FBLN1: variants seen among roughly 807,000 people sequenced by gnomAD.
FBLN1 encodes the protein fibulin-1.
FBLN1 carries 34 observed loss-of-function variants against 89.7 expected under a neutral mutation model. The observed-to-expected ratio is 0.38, with a 90% CI of 0.29 to 0.50. The LOEUF (loss-of-function observed/expected upper bound fraction) is 0.50, where lower values mean the gene tolerates loss of function less well. Ranked by LOEUF, FBLN1 falls within the 20% of genes least tolerant of loss-of-function variation. The pLI is 0.92. For synonymous variants in FBLN1, 393 were observed against 391.3 expected (o/e 1.00, Z -0.05); for missense variants, 777 against 988.1 (o/e 0.79, Z 2.86).
chr22:45,517,819 C>G (rs189727747), intron 1 of FBLN1: 8 of 360,088 alleles, frequency 2.2e-5, no homozygotes. Flanking sequence ...ATGTGGGTCA[C>G]AGAAGCTGGT....
At chr22:45,503,187 G>C in intron 1 of FBLN1, 123 bp downstream of exon 1, 1 of 530,118 alleles carries the variant, frequency 1.9e-6, no homozygotes, top group Non-Finnish European at 2.5e-6. Flanking sequence ...GGCGCCCCCG[G>C]ACTGTCAGCG....
intron 1 of FBLN1, among the ~76,000 whole-genome samples, chr22:45,511,704 C>T (rs1417543923): frequency 6.6e-6 from 1 of 152,070 alleles, no homozygotes; most frequent in Non-Finnish European, 1.5e-5. Context: ...CCACTTCAGC[C>T]TCCCAAAGTG....
Position 45,532,956 on chromosome 22 carries a change from G to A in FBLN1, c.545-107G>A, listed in dbSNP as rs1001027523. On this transcript the variant is annotated intron_variant, in intron 5 of 16. Transcript: ENST00000327858. The surrounding 1 kb of genome is among the most constrained non-coding windows in gnomAD (Gnocchi z 4.2). ...CCAGCCAGGTCAGCCTGCCTTCCTG[G>A]GTTCGTCTGCCCAGAGGGCGTTTTC... The A allele has an allele frequency of 2.1e-5, 21 of 1,001,102 alleles. No individual in the cohort carries two copies. The African/African-American group carries it at 3.2e-4, about 15-fold the overall frequency. The allele number at this position is 1,001,102 out of a possible 1,614,324, so 62.0% of individuals were successfully genotyped here.
intron 1 of FBLN1, among the ~76,000 whole-genome samples, chr22:45,511,605 C>A (rs1404288263): frequency 2.6e-5 from 4 of 152,012 alleles, no homozygotes; most frequent in Non-Finnish European, 4.4e-5. Context: ...CGCCACCATG[C>A]CCAGCTAATT....
At chr22:45,506,288 G>C (rs2088019775) in intron 1 of FBLN1, among the ~76,000 whole-genome samples, 1 of 152,224 alleles carries the variant, frequency 6.6e-6, no homozygotes, top group Non-Finnish European at 1.5e-5. Flanking sequence ...GAATTTCCCA[G>C]CCAGGCGCTG....
chr22:45,539,478 C>T (rs535153469), intron 8 of FBLN1, among the ~76,000 whole-genome samples: 77 of 152,190 alleles, frequency 5.1e-4, no homozygotes, highest in African/African-American at 1.5e-3. Context: ...GGATTGCAGG[C>T]GTGAGCCACC....
rs1051899160 is a variant in FBLN1, at chr22:45,515,934, G to A, written c.80-2748G>A. Among the ~76,000 whole-genome samples, 8 of 152,334 alleles carry A rather than the reference G, an allele frequency of 5.3e-5. No homozygotes were observed. In the East Asian group the frequency reaches 1.4e-3, roughly 26 times the overall value. ...GCTTACACTGTTTCTACTCAACTCT[G>A]TAGCTGCCACATGCTGGCATGGATG... is the stretch of plus-strand genomic sequence containing the variant. On this transcript the variant is annotated intron_variant, in intron 1 of 16. Coordinates refer to ENST00000327858, the MANE Select transcript of FBLN1 (RefSeq NM_006486.3).
At chr22:45,534,136 G>A (rs1416700126) in intron 7 of FBLN1, among the ~76,000 whole-genome samples, 1 of 152,068 alleles carries the variant, frequency 6.6e-6, no homozygotes, top group Non-Finnish European at 1.5e-5. Context: ...GTTGACAGTA[G>A]TGCACCGGTG....
intron 16 of FBLN1, among the ~76,000 whole-genome samples, chr22:45,598,771 C>T (rs1187590822): frequency 6.6e-6 from 1 of 152,258 alleles, no homozygotes; most frequent in Non-Finnish European, 1.5e-5. Flanking sequence ...GAGTGCTCTG[C>T]TCTGGTGGGA....
intron 14 of FBLN1, among the ~76,000 whole-genome samples, chr22:45,555,689 GACACTCAGTATTAACC>G (rs2079461214): frequency 4.6e-5 from 7 of 152,014 alleles, no homozygotes; most frequent in African/African-American, 1.7e-4. Context: ...CAATCAAGTT[GACACTCAGTATTAACC>G]ATCACAAGTC....
At chr22:45,599,745 C>G (rs2146674504) in intron 16 of FBLN1, among the ~76,000 whole-genome samples, 1 of 152,172 alleles carries the variant, frequency 6.6e-6, no homozygotes, top group South Asian at 2.1e-4. Flanking sequence ...TGGAGAAACC[C>G]CGTCTCTACT....
intron 1 of FBLN1, among the ~76,000 whole-genome samples, chr22:45,504,541 G>C (rs978997151): frequency 4.6e-5 from 7 of 152,050 alleles, no homozygotes; most frequent in Non-Finnish European, 1.0e-4. Context: ...TGATGGGTGG[G>C]TGGGACATCC....
intron 1 of FBLN1, among the ~76,000 whole-genome samples, chr22:45,513,876 C>A (rs1366545532): frequency 6.6e-6 from 1 of 152,106 alleles, no homozygotes; most frequent in Non-Finnish European, 1.5e-5. Context: ...TCACTGCAAC[C>A]TCTGCCTCCC....
At position 45,577,885 on chromosome 22, in the gene FBLN1, G is replaced by A. The variant is rs1211699772; in HGVS notation, c.1972+777G>A. On this transcript the variant is annotated intron_variant, in intron 16 of 16. Coordinates refer to ENST00000327858, the MANE Select transcript of FBLN1 (RefSeq NM_006486.3). The surrounding 1 kb of genome is among the most constrained non-coding windows in gnomAD (Gnocchi z 6.6). Reference sequence around the variant, plus strand: ...TATCCAGGCCCACTCCATTCCGCACGCTTGTTTCTGTCATTCACAGCCCCT... The same window carrying A: ...TATCCAGGCCCACTCCATTCCGCACACTTGTTTCTGTCATTCACAGCCCCT... 3 of 153,630 alleles carry A rather than the reference G, an allele frequency of 2.0e-5. No homozygotes were observed. The highest frequency in any genetic ancestry group is 2.9e-5 in the Non-Finnish European group (2 of 69,086). 9.5% of individuals were successfully genotyped at this position (153,630 alleles called of 1,614,324 possible).
rs561312723 is a variant in FBLN1, at chr22:45,585,881, C to T, written c.1972+8773C>T. 3.2e-4 allele frequency among the ~76,000 whole-genome samples: 49 copies of T among 152,246 alleles called. No homozygotes were observed. The East Asian group carries it at 8.9e-3, about 28-fold the overall frequency. On this transcript the variant is annotated intron_variant, in intron 16 of 16. Coordinates refer to ENST00000327858, the MANE Select transcript of FBLN1 (RefSeq NM_006486.3). ...CCCTGTGTGACGGCGCGTAGCCCCC[C>T]GAAACAGCTGCTGTTATCCCTCCTT...
intron 11 of FBLN1, 142 bp from the exon 12 acceptor site, chr22:45,546,943 A>C: frequency 1.5e-6 from 2 of 1,345,486 alleles, no homozygotes; most frequent in Non-Finnish European, 2.1e-6. Context: ...TCCCTCGGCC[A>C]CACCCCCCGG....
At chr22:45,533,198 G>A in intron 6 of FBLN1, 34 bp downstream of exon 6, 1 of 1,577,408 alleles carries the variant, frequency 6.3e-7, no homozygotes, top group Non-Finnish European at 8.7e-7. Context: ...AGCAGGACTG[G>A]CCGGTCACTG....
rs2088800895 is a variant in FBLN1, at chr22:45,557,310, TA to T, written c.1697+6697del. ...AGGATAGGCAAACCCATATCCAGAG[TA>T]AGTGTCTATTCCGGTGAGGACAAAC... On this transcript the variant is annotated intron_variant, in intron 14 of 16. Transcript: ENST00000327858. The surrounding 1 kb of genome is among the most constrained non-coding windows in gnomAD (Gnocchi z 4.9). Among the ~76,000 whole-genome samples the T allele has an allele frequency of 6.6e-6, 1 of 152,086 alleles. No homozygotes were observed. The highest frequency in any genetic ancestry group is 1.5e-5 in the Non-Finnish European group (1 of 68,016).
chr22:45,579,421 G>C lies in FBLN1; in HGVS notation c.1972+2313G>C, dbSNP rs1387700490. ...GGTGCCGTCCCGGCAGCGGGCTTCTGGGAACGGAATGTGGATGAGGCCACA... is the reference window on the plus strand; with the variant it reads ...GGTGCCGTCCCGGCAGCGGGCTTCTCGGAACGGAATGTGGATGAGGCCACA... On this transcript the variant is annotated intron_variant, in intron 16 of 16. Coordinates refer to ENST00000327858, the MANE Select transcript of FBLN1 (RefSeq NM_006486.3). The surrounding 1 kb of genome is among the most constrained non-coding windows in gnomAD (Gnocchi z 5.5). Among the ~76,000 whole-genome samples the C allele has an allele frequency of 6.6e-6, 1 of 152,264 alleles. No individual in the cohort carries two copies. Among genetic ancestry groups the C allele is most frequent in the African/African-American group, 2.4e-5 (1 of 41,472 alleles).
Sources: gnomAD v4.1 joint callset for allele counts (sites outside exome capture counted in the v4.1 genomes callset) on GRCh38, gnomAD v4.1.1 for gene constraint, Gnocchi (gnomAD v3.1) non-coding constraint, MANE v1.5 for transcripts, NCBI Gene and HGNC (gene_info 2026-07-23, HGNC 2026-07-21) for gene names.